The following AMD1 variants were observed in gnomAD, a reference collection of about 807,000 sequenced individuals.
AMD1 encodes adenosylmethionine decarboxylase 1.
Under a neutral mutation model 40.2 loss-of-function variants are expected in AMD1, and 11 were observed. The ratio of observed to expected loss-of-function variants is 0.27; its 90% CI spans 0.17 to 0.45. The LOEUF is 0.45. Ranked by LOEUF, AMD1 falls within the 20% of genes least tolerant of loss-of-function variation. The pLI is 1.00. For synonymous variants in AMD1, 121 were observed against 130.8 expected (o/e 0.93, Z 0.51); for missense variants, 257 against 410.2 (o/e 0.63, Z 3.23).
chr6:110,876,129 A>AGATACTT (rs1785100098), intron 1 of AMD1, among the ~76,000 whole-genome samples: 1 of 152,212 alleles, frequency 6.6e-6, no homozygotes, highest in Non-Finnish European at 1.5e-5. Flanking sequence ...GTCACGCGAG[A>AGATACTT]GATACTTGGG....
At position 110,893,702 on chromosome 6, in the gene AMD1, C is replaced by G. The variant is rs1048852607; in HGVS notation, c.*86C>G. The G allele has an allele frequency of 4.8e-6, 7 of 1,445,438 alleles. No homozygotes were observed. The African/African-American group carries it at 9.9e-5, about 20-fold the overall frequency. 89.5% of individuals were successfully genotyped at this position (1,445,438 alleles called of 1,614,324 possible). A position where few individuals can be genotyped will look rare whatever the true frequency, so the allele number is the denominator to read the frequency against. ...CTAGATGTCGATGCTGGGGGCAGTG[C>G]TTTCCATAACCACCACTGTGTAGTT... On this transcript the variant is annotated 3_prime_UTR_variant, in exon 9 of 9. Transcript: ENST00000368885.
At chr6:110,838,335 G>C in the AMD1 span, among the ~76,000 whole-genome samples, 3 of 151,474 alleles carry the variant, frequency 2.0e-5, no homozygotes, top group African/African-American at 7.3e-5. Flanking sequence ...GTTGCAGTGA[G>C]CTGAGATCGT....
the AMD1 span, among the ~76,000 whole-genome samples, chr6:110,831,293 G>A: frequency 2.0e-3 from 308 of 151,908 alleles, 2 homozygotes; most frequent in African/African-American, 7.2e-3. Context: ...CAAAAAATTA[G>A]CCAGGCGTGG....
the AMD1 span, chr6:110,814,737 G>A: frequency 4.8e-6 from 3 of 623,078 alleles, no homozygotes; most frequent in African/African-American, 1.8e-5. Flanking sequence ...GAGTCCCCCC[G>A]CCGTCTCCGA....
chr6:110,885,936 G>A (rs920016759), intron 1 of AMD1, among the ~76,000 whole-genome samples: 5 of 152,116 alleles, frequency 3.3e-5, no homozygotes, highest in African/African-American at 7.2e-5. Flanking sequence ...GTTGGATTTC[G>A]CTCAAAAGGT....
chr6:110,887,817 C>T (rs1785778013), intron 2 of AMD1, among the ~76,000 whole-genome samples: 1 of 152,108 alleles, frequency 6.6e-6, no homozygotes, highest in Non-Finnish European at 1.5e-5. Flanking sequence ...TCCTGAGGAG[C>T]TGGGATTACA....
At chr6:110,865,372 G>A in the AMD1 span, among the ~76,000 whole-genome samples, 1 of 152,146 alleles carries the variant, frequency 6.6e-6, no homozygotes, top group East Asian at 1.9e-4. Flanking sequence ...AAAGGGACAT[G>A]GAATGTTAAA....
At chr6:110,869,027 C>A in the AMD1 span, among the ~76,000 whole-genome samples, 1 of 151,502 alleles carries the variant, frequency 6.6e-6, no homozygotes, top group South Asian at 2.1e-4. Context: ...CCATTGCACT[C>A]CAGCCTGGGC....
At chr6:110,893,452 C>T (rs753623537) in intron 8 of AMD1, 24 bp from the exon 9 acceptor site, 11 of 1,611,852 alleles carry the variant, frequency 6.8e-6, no homozygotes, top group Middle Eastern at 1.6e-4. Flanking sequence ...CAAACACTAA[C>T]GGTTATTTAA....
chr6:110,866,958 C>T, the AMD1 span, among the ~76,000 whole-genome samples: 1 of 151,852 alleles, frequency 6.6e-6, no homozygotes, highest in Non-Finnish European at 1.5e-5. Flanking sequence ...GGATTACATG[C>T]GCCCAACATC....
At chr6:110,863,525 A>G in the AMD1 span, among the ~76,000 whole-genome samples, 1 of 151,258 alleles carries the variant, frequency 6.6e-6, no homozygotes, top group African/African-American at 2.4e-5. Context: ...GTCTGCCACC[A>G]CACCTGGCTA....
chr6:110,849,101 A>G, the AMD1 span, among the ~76,000 whole-genome samples: 26 of 152,320 alleles, frequency 1.7e-4, no homozygotes, highest in African/African-American at 6.0e-4. Context: ...TTGCATTCCA[A>G]TTTCATGTTG....
chr6:110,892,664 G>T, intron 6 of AMD1, 71 bp from the exon 7 acceptor site: 5 of 1,556,820 alleles, frequency 3.2e-6, no homozygotes, highest in Non-Finnish European at 4.4e-6. Context: ...CCCACCCTGG[G>T]ACTAAATTTT....
At chr6:110,865,537 G>A in the AMD1 span, among the ~76,000 whole-genome samples, 1 of 151,934 alleles carries the variant, frequency 6.6e-6, no homozygotes, top group Admixed American at 6.6e-5. Context: ...CGGATTATAG[G>A]CGTGTGCCAC....
Position 110,875,063 on chromosome 6 carries a change from G to C in AMD1, c.-43G>C, listed in dbSNP as rs1345649125. 6.6e-7 allele frequency: 1 copy of C among 1,513,108 alleles called. No homozygotes were observed. Among genetic ancestry groups the C allele is most frequent in the Non-Finnish European group, 9.1e-7 (1 of 1,102,686 alleles). 93.7% of individuals were successfully genotyped at this position (1,513,108 alleles called of 1,614,324 possible). A position where few individuals can be genotyped will look rare whatever the true frequency, so the allele number is the denominator to read the frequency against. ...GCGGCGGGAGAAGAGGTTTAATTTA[G>C]TTGATTTTCTGTGGTTGTTGGTTGT... On this transcript the variant is annotated 5_prime_UTR_variant, in exon 1 of 9. Transcript: ENST00000368885.
the AMD1 span, among the ~76,000 whole-genome samples, chr6:110,852,572 C>A: frequency 1.3e-5 from 2 of 152,048 alleles, 1 homozygote; most frequent in South Asian, 4.1e-4. Context: ...TTCCTGGTCA[C>A]CTCCTTCAAC....
At position 110,890,380 on chromosome 6, in the gene AMD1, C is replaced by G. The variant is rs1034210942; in HGVS notation, c.427+24C>G. Reference sequence around the variant, plus strand: ...AAGTAAGTTTAAATAAAATATAAACCTGTTGTCTTCTTAAAGATAGAAAGT... The same window carrying G: ...AAGTAAGTTTAAATAAAATATAAACGTGTTGTCTTCTTAAAGATAGAAAGT... On this transcript the variant is annotated intron_variant, in intron 4 of 8. Coordinates refer to ENST00000368885, the MANE Select transcript of AMD1 (RefSeq NM_001634.6). 4.0e-6 allele frequency: 6 copies of G among 1,491,194 alleles called. No individual in the cohort carries two copies. In the African/African-American group the frequency reaches 4.2e-5, roughly 11 times the overall value. The allele number at this position is 1,491,194 out of a possible 1,614,324, so 92.4% of individuals were successfully genotyped here.
At chr6:110,843,263 G>A in the AMD1 span, among the ~76,000 whole-genome samples, 6 of 151,936 alleles carry the variant, frequency 3.9e-5, no homozygotes, top group Non-Finnish European at 8.8e-5. Flanking sequence ...AGAAGTTGGA[G>A]ACTAGCCTGG....
At chr6:110,863,515 G>A in the AMD1 span, among the ~76,000 whole-genome samples, 8 of 150,936 alleles carry the variant, frequency 5.3e-5, no homozygotes, top group Admixed American at 2.6e-4. Context: ...GATCACAGGC[G>A]TCTGCCACCA....
Sources: allele counts gnomAD v4.1 joint callset (sites outside exome capture counted in the v4.1 genomes callset), GRCh38; gene constraint gnomAD v4.1.1; transcripts MANE v1.5; gene names NCBI Gene and HGNC (gene_info 2026-07-23, HGNC 2026-07-21).